Variants in STAMBP observed in about 807,000 individuals in gnomAD.
STAMBP encodes the protein STAM binding protein, also known as STAM-binding protein.
A neutral mutation model predicts 50.7 loss-of-function variants in STAMBP; 31 were observed. The ratio of observed to expected loss-of-function variants is 0.61; its 90% CI spans 0.46 to 0.83. The LOEUF (loss-of-function observed/expected upper bound fraction) is 0.83, where lower values mean the gene tolerates loss of function less well. Among genes scored for constraint, STAMBP ranks in the 40% least tolerant of loss-of-function variants. The pLI, the probability that STAMBP is intolerant of heterozygous loss-of-function variation, is 0.00. For synonymous variants in STAMBP, 211 were observed against 192.4 expected (o/e 1.10, Z -0.80); for missense variants, 472 against 518.9 (o/e 0.91, Z 0.88).
In STAMBP at chr2:73,845,262, GGTCA is replaced by G; in HGVS notation, c.375+3_375+6del. Reference sequence around the variant, plus strand: ...AATATACAGAATATAATGAAGAAAAGGTCAGTATATAACAGCTAAGAAGAAAATT... The same window carrying G: ...AATATACAGAATATAATGAAGAAAAGGTATATAACAGCTAAGAAGAAAATT... On this transcript the variant is annotated splice_donor_variant and splice_donor_region_variant and intron_variant, in intron 4 of 9. Transcript: ENST00000394070. LOFTEE classifies it high-confidence loss of function. 1 of 1,603,582 alleles carries G rather than the reference GGTCA, an allele frequency of 6.2e-7. No individual in the cohort carries two copies. Among genetic ancestry groups the G allele is most frequent in the Non-Finnish European group, 8.5e-7 (1 of 1,170,796 alleles).
chr2:73,873,251 C>A lies in STAMBP; in HGVS notation c.*46-101C>A, dbSNP rs968307266. 7 of 152,222 alleles carry A rather than the reference C, an allele frequency of 4.6e-5. No homozygotes were observed. In the East Asian group the frequency reaches 1.2e-3, roughly 25 times the overall value. The allele number at this position is 152,222 out of a possible 1,614,324, so 9.4% of individuals were successfully genotyped here. A position where few individuals can be genotyped will look rare whatever the true frequency, so the allele number is the denominator to read the frequency against. ...AGTGACAGTGAGCTCAGAATCGTAT[C>A]TTTGGCAAGTGCCTGGGGTGCAGCT... On this transcript the variant is annotated intron_variant, in intron 10 of 10. Coordinates refer to the STAMBP transcript ENST00000409707.
chr2:73,845,199 A>G lies in STAMBP; in HGVS notation c.312A>G (p.Glu104=), dbSNP rs1675906197. The change falls in exon 4 of 10, where the codon GAA becomes GAG. Residue 104 remains glutamate, a synonymous_variant. Coordinates refer to ENST00000394070, the MANE Select transcript of STAMBP (RefSeq NM_213622.4). ...KLKEIAFPKA[E]ELKAELLKRY... Reference sequence around the variant, plus strand: ...AGGAGATTGCATTTCCCAAAGCAGAAGAGCTGAAGGCAGAGCTGTTAAAAC... The same window carrying G: ...AGGAGATTGCATTTCCCAAAGCAGAGGAGCTGAAGGCAGAGCTGTTAAAAC... 6.2e-7 allele frequency: 1 copy of G among 1,614,136 alleles called. No individual in the cohort carries two copies. The highest frequency in any genetic ancestry group is 8.5e-7 in the Non-Finnish European group (1 of 1,179,968).
In STAMBP at chr2:73,866,661, C is replaced by G. The variant is rs1332536399; in HGVS notation, c.*4402C>G. On this transcript the variant is annotated 3_prime_UTR_variant, in exon 10 of 10. Transcript: ENST00000394070. Reference sequence around the variant, plus strand: ...ATGCTGGGCCTGTGCTGCACTTGAGCTTTCTTTCCAGCCGCCAGGAGGGAT... The same window carrying G: ...ATGCTGGGCCTGTGCTGCACTTGAGGTTTCTTTCCAGCCGCCAGGAGGGAT... 2 of 152,236 alleles carry G rather than the reference C, an allele frequency of 1.3e-5. No homozygotes were observed. Among genetic ancestry groups the G allele is most frequent in the Non-Finnish European group, 2.9e-5 (2 of 68,076 alleles). The allele number at this position is 152,236 out of a possible 1,614,324, so 9.4% of individuals were successfully genotyped here.
At chr2:73,843,682 T>A (rs1355445487) in intron 2 of STAMBP, among the ~76,000 whole-genome samples, 2 of 152,174 alleles carry the variant, frequency 1.3e-5, no homozygotes, top group East Asian at 3.8e-4. Context: ...ATGAAACTTG[T>A]GTGCCTAATA....
chr2:73,836,761 C>T (rs2104303881), intron 2 of STAMBP, among the ~76,000 whole-genome samples: 1 of 152,334 alleles, frequency 6.6e-6, no homozygotes, highest in East Asian at 1.9e-4. Context: ...CTCTTAGGCC[C>T]TGCGGCCAGA....
intron 4 of STAMBP, among the ~76,000 whole-genome samples, chr2:73,845,929 G>A (rs1431459388): frequency 6.6e-6 from 1 of 152,222 alleles, no homozygotes; most frequent in Non-Finnish European, 1.5e-5. Context: ...GCTGCACCCA[G>A]CCATTTCAAG....
chr2:73,851,064 TTC>T (rs1446082747), intron 7 of STAMBP, among the ~76,000 whole-genome samples: 1 of 152,264 alleles, frequency 6.6e-6, no homozygotes, highest in Non-Finnish European at 1.5e-5. Context: ...TTTTAAATTT[TTC>T]TTTCTATTCC....
intron 2 of STAMBP, among the ~76,000 whole-genome samples, chr2:73,833,385 A>G (rs906894174): frequency 1.2e-4 from 18 of 152,134 alleles, no homozygotes; most frequent in African/African-American, 4.1e-4. Context: ...TGTGGCCTCA[A>G]TGTTGTTAAG....
rs1381711930 is a variant in STAMBP at position 73,866,217 on chromosome 2, G to T, written c.*3958G>T. On this transcript the variant is annotated 3_prime_UTR_variant, in exon 10 of 10. Transcript: ENST00000394070. ...CCGGCATCATTCAATCAGCCTGTTA[G>T]ATCCAGAATCCAGCACTGTGACGCT... 1.3e-5 allele frequency: 2 copies of T among 152,214 alleles called. No individual in the cohort carries two copies. The highest frequency in any genetic ancestry group is 2.4e-5 in the African/African-American group (1 of 41,424). 9.4% of individuals were successfully genotyped at this position (152,214 alleles called of 1,614,324 possible).
At chr2:73,849,583 G>C in intron 6 of STAMBP, 96 bp downstream of exon 6, 2 of 1,458,294 alleles carry the variant, frequency 1.4e-6, no homozygotes, top group African/African-American at 1.4e-5. Context: ...TCCAGGGTCA[G>C]TTACTCTTTG....
At chr2:73,843,629 G>C (rs1675717125) in intron 2 of STAMBP, among the ~76,000 whole-genome samples, 1 of 151,846 alleles carries the variant, frequency 6.6e-6, no homozygotes, top group Admixed American at 6.6e-5. Flanking sequence ...TTTTATTTTA[G>C]AGTCCATCCC....
rs530056333 is a variant in STAMBP at position 73,866,666 on chromosome 2, T to C, written c.*4407T>C. 6.6e-6 allele frequency: 1 copy of C among 152,398 alleles called. No individual in the cohort carries two copies. The highest frequency in any genetic ancestry group is 6.5e-5 in the Admixed American group (1 of 15,304). 9.4% of individuals were successfully genotyped at this position (152,398 alleles called of 1,614,324 possible). On this transcript the variant is annotated 3_prime_UTR_variant, in exon 10 of 10. Coordinates refer to ENST00000394070, the MANE Select transcript of STAMBP (RefSeq NM_213622.4). The stretch of plus-strand genomic sequence containing the variant: ...GGGCCTGTGCTGCACTTGAGCTTTC[T>C]TTCCAGCCGCCAGGAGGGATGGTTG...
chr2:73,852,062 G>A (rs909661464), intron 7 of STAMBP, among the ~76,000 whole-genome samples: 15 of 152,174 alleles, frequency 9.9e-5, no homozygotes, highest in African/African-American at 3.4e-4. Context: ...GCAATGATAT[G>A]ATTAAAGCCA....
chr2:73,871,567 C>A (rs980317886), downstream of STAMBP, among the ~76,000 whole-genome samples: 7 of 149,526 alleles, frequency 4.7e-5, no homozygotes, highest in East Asian at 1.2e-3. Context: ...AAAAAAAATT[C>A]TTTTAATTGC....
In STAMBP at chr2:73,832,106, T is replaced by TAC. The variant is rs201562955; in HGVS notation, c.203+1048_203+1049insCA. ...TAACATATATATATATATATATATA[T>TAC]ATACACATATATATGGTGCACAATT... On this transcript the variant is annotated intron_variant, in intron 2 of 9. Transcript: ENST00000394070. 2.0e-3 allele frequency among the ~76,000 whole-genome samples: 259 copies of TAC among 127,954 alleles called. 7 individuals are homozygous for TAC. Among genetic ancestry groups the TAC allele is most frequent in the African/African-American group, 8.1e-3 (246 of 30,204 alleles). The allele number at this position is 127,954 out of a possible 152,430, so 83.9% of individuals were successfully genotyped here.
chr2:73,860,391 C>A, intron 9 of STAMBP: 1 of 536,806 alleles, frequency 1.9e-6, no homozygotes, highest in Non-Finnish European at 2.9e-6. Context: ...CTCAGTTTTC[C>A]CATCTATAAA....
intron 1 of STAMBP, among the ~76,000 whole-genome samples, chr2:73,830,139 C>A (rs1673717833): frequency 6.6e-6 from 1 of 152,128 alleles, no homozygotes; most frequent in Admixed American, 6.5e-5. Flanking sequence ...AAGTTACCAT[C>A]GTGCCTTTTT....
At chr2:73,869,712 A>C (rs1391236201), downstream of STAMBP, among the ~76,000 whole-genome samples, 2 of 152,154 alleles carry the variant, frequency 1.3e-5, no homozygotes, top group African/African-American at 2.4e-5. Flanking sequence ...GTACCCTAAA[A>C]CTTAAAGTAT....
intron 7 of STAMBP, among the ~76,000 whole-genome samples, chr2:73,852,935 T>TGTGC (rs1677046058): frequency 8.1e-6 from 1 of 123,980 alleles, no homozygotes; most frequent in Admixed American, 8.2e-5. Flanking sequence ...TGTGTGTGTG[T>TGTGC]GTGTGTGTGT....
Sources: allele counts gnomAD v4.1 joint callset (sites outside exome capture counted in the v4.1 genomes callset), GRCh38; gene constraint gnomAD v4.1.1; transcripts MANE v1.5; gene names NCBI Gene and HGNC (gene_info 2026-07-23, HGNC 2026-07-21).